Variants in SNED1 observed in about 807,000 individuals in gnomAD.
SNED1 encodes sushi, nidogen and EGF-like domain-containing protein 1.
A neutral mutation model predicts 166.7 loss-of-function variants in SNED1; 81 were observed. That is an observed-to-expected ratio of 0.49 (90% confidence interval 0.41 to 0.58). SNED1 has a LOEUF of 0.58. Among genes scored for constraint, SNED1 ranks in the 20% least tolerant of loss-of-function variants. SNED1 has a pLI of 0.00. For synonymous variants in SNED1, 762 were observed against 822.0 expected (o/e 0.93, Z 1.25); for missense variants, 1,604 against 2,000.2 (o/e 0.80, Z 3.78).
intron 16 of SNED1, among the ~76,000 whole-genome samples, chr2:241,057,311 G>A (rs963441742): frequency 4.7e-5 from 7 of 150,466 alleles, no homozygotes; most frequent in East Asian, 2.0e-4. Context: ...CCTCGGAGGC[G>A]GAGGTTGCAA....
chr2:241,049,147 G>A lies in SNED1; in HGVS notation c.1618+12G>A, dbSNP rs569420529. 6 of 1,603,286 alleles carry A rather than the reference G, an allele frequency of 3.7e-6. No individual in the cohort carries two copies. The highest frequency in any genetic ancestry group is 2.3e-5 in the East Asian group (1 of 44,408). On this transcript the variant is annotated intron_variant, in intron 11 of 31. Transcript: ENST00000310397. ...CAATGCCAGCCACTGTGAGTAGCTCGGGGACGAGCCTGCTGGGCCGGGGGC... is the reference window on the plus strand; with the variant it reads ...CAATGCCAGCCACTGTGAGTAGCTCAGGGACGAGCCTGCTGGGCCGGGGGC...
At chr2:241,014,280 C>A (rs2060505196) in intron 1 of SNED1, among the ~76,000 whole-genome samples, 1 of 152,152 alleles carries the variant, frequency 6.6e-6, no homozygotes, top group South Asian at 2.1e-4. Flanking sequence ...AAGGTGTGAG[C>A]CACCATGCCA....
At chr2:241,048,983 A>T in intron 10 of SNED1, 39 bp from the exon 11 acceptor site, 1 of 1,534,354 alleles carries the variant, frequency 6.5e-7, no homozygotes, top group Non-Finnish European at 8.9e-7. Context: ...GCTGGAAGAC[A>T]TGTGGAATAT....
intron 1 of SNED1, among the ~76,000 whole-genome samples, chr2:241,021,673 T>C (rs2060778763): frequency 6.6e-6 from 1 of 152,256 alleles, no homozygotes; most frequent in South Asian, 2.1e-4. Flanking sequence ...CATTCATGAG[T>C]TGATAGACAC....
intron 1 of SNED1, among the ~76,000 whole-genome samples, chr2:241,008,766 C>T (rs918205619): frequency 2.6e-5 from 4 of 152,254 alleles, no homozygotes; most frequent in Admixed American, 2.0e-4. Context: ...ATGCTGAAGT[C>T]GCCTCTGGGC....
rs138612536 is a variant in SNED1, at chr2:241,051,781, C to T, written c.1773C>T (p.Asn591=). The change falls in exon 13 of 32, where the codon AAC becomes AAT. Residue 591 remains asparagine, a synonymous_variant. Coordinates refer to ENST00000310397, the MANE Select transcript of SNED1 (RefSeq NM_001080437.3). This position sits in a 1 kb window ranked among gnomAD's most constrained non-coding sequence, Gnocchi z 4.7. The part of the protein sequence containing the change: ...PHLCSSGPCR[N]GGTCKEAGGE... ...TGTGCAGCTCAGGGCCCTGCCGGAA[C>T]GGGGGCACGTGCAAGGAGGCGGGCG... 7,248 of 1,551,666 alleles carry T rather than the reference C, an allele frequency of 4.7e-3. 29 individuals are homozygous for T. The highest frequency in any genetic ancestry group is 6.9e-3 in the Middle Eastern group (41 of 5,960).
chr2:241,045,578 C>T (rs1253651751), intron 8 of SNED1, among the ~76,000 whole-genome samples: 2 of 151,472 alleles, frequency 1.3e-5, no homozygotes, highest in East Asian at 3.9e-4. Flanking sequence ...GGGGTTGAAA[C>T]AATTAAATAT....
In SNED1 at chr2:241,094,482, C is replaced by T. The variant is rs780686568; in HGVS notation, c.*2846C>T. 4.8e-5 allele frequency: 22 copies of T among 460,708 alleles called. No homozygotes were observed. Among genetic ancestry groups the T allele is most frequent in the South Asian group, 3.4e-4 (21 of 62,650 alleles). The allele number at this position is 460,708 out of a possible 1,614,324, so 28.5% of individuals were successfully genotyped here. A position where few individuals can be genotyped will look rare whatever the true frequency, so the allele number is the denominator to read the frequency against. The stretch of plus-strand genomic sequence containing the variant: ...TTTCAGTGCTGAATCCCCACAATTG[C>T]ATGCAGCTCACACCTACCAGGGGTA... On this transcript the variant is annotated 3_prime_UTR_variant, in exon 32 of 32. Coordinates refer to ENST00000310397, the MANE Select transcript of SNED1 (RefSeq NM_001080437.3). The surrounding 1 kb of genome is among the most constrained non-coding windows in gnomAD (Gnocchi z 4.3).
rs1323827103 is a variant in SNED1, at chr2:240,999,625, C to T, written c.213+575C>T. 6.6e-6 allele frequency among the ~76,000 whole-genome samples: 1 copy of T among 152,200 alleles called. No individual in the cohort carries two copies. Among genetic ancestry groups the T allele is most frequent in the Non-Finnish European group, 1.5e-5 (1 of 68,020 alleles). ...GCTTGCCCCTCCCTGCCGTCCTCTC[C>T]GCAGTCTGGGGGCTGGCCGCTCAGG... On this transcript the variant is annotated intron_variant, in intron 1 of 31. Coordinates refer to ENST00000310397, the MANE Select transcript of SNED1 (RefSeq NM_001080437.3). This position sits in a 1 kb window ranked among gnomAD's most constrained non-coding sequence, Gnocchi z 5.8.
rs1246097979 is a variant in SNED1 at position 241,013,404 on chromosome 2, C to T, written c.213+14354C>T. ...CACTGTAACCTCGAACTCATGGGCT[C>T]CAGTGATCCTCCCACTTCAGCCACA... On this transcript the variant is annotated intron_variant, in intron 1 of 31. Coordinates refer to ENST00000310397, the MANE Select transcript of SNED1 (RefSeq NM_001080437.3). This position sits in a 1 kb window ranked among gnomAD's most constrained non-coding sequence, Gnocchi z 4.6. 3.3e-5 allele frequency among the ~76,000 whole-genome samples: 5 copies of T among 152,204 alleles called. No homozygotes were observed. In the South Asian group the frequency reaches 6.2e-4, roughly 19 times the overall value.
At chr2:240,998,561 G>GCCCCC (rs536877002), upstream of SNED1, among the ~76,000 whole-genome samples, 2 of 151,718 alleles carry the variant, frequency 1.3e-5, no homozygotes, top group African/African-American at 4.8e-5. Flanking sequence ...GCATGGCCCC[G>GCCCCC]CCCCCCCGAG....
chr2:241,064,125 G>C lies in SNED1; in HGVS notation c.2599G>C (p.Val867Leu). The C allele has an allele frequency of 1.3e-6, 2 of 1,550,794 alleles. No individual in the cohort carries two copies. The highest frequency in any genetic ancestry group is 1.7e-6 in the Non-Finnish European group (2 of 1,148,002). ...ESFFGYHCET[V>L]SDPCFSSPCG... ...CTTCTTCGGCTACCACTGCGAGACAGGTAGGGCGGCAGGCCTGCCTGCTCC... is the reference window on the plus strand; with the variant it reads ...CTTCTTCGGCTACCACTGCGAGACACGTAGGGCGGCAGGCCTGCCTGCTCC... The change falls in exon 19 of 32, where the codon GTG (valine) becomes CTG (leucine). Residue 867 changes from valine (V) to leucine (L), a missense_variant and splice_region_variant. Val to Leu is a conservative substitution (Grantham distance 32). This residue lies in a region of SNED1 where 1,237 missense variants were observed against 1,620.8 expected (regional missense o/e 0.76). Coordinates refer to ENST00000310397, the MANE Select transcript of SNED1 (RefSeq NM_001080437.3). The surrounding 1 kb of genome is among the most constrained non-coding windows in gnomAD (Gnocchi z 7.0).
chr2:241,024,447 C>G (rs937745427), intron 1 of SNED1, among the ~76,000 whole-genome samples: 1 of 150,666 alleles, frequency 6.6e-6, no homozygotes, highest in African/African-American at 2.4e-5. Flanking sequence ...CAGGGTTTCA[C>G]TATGTTGGCC....
intron 1 of SNED1, among the ~76,000 whole-genome samples, chr2:241,008,706 C>G (rs2060296280): frequency 6.6e-6 from 1 of 152,246 alleles, no homozygotes; most frequent in Non-Finnish European, 1.5e-5. Context: ...TTATTAGACA[C>G]CACTGTGTGC....
intron 2 of SNED1, 80 bp from the exon 3 acceptor site, chr2:241,033,655 G>C: frequency 6.9e-7 from 1 of 1,454,182 alleles, no homozygotes. Flanking sequence ...CAATGACAGT[G>C]CACCAGGATG....
chr2:241,016,046 A>AG (rs1280913970), intron 1 of SNED1: 1 of 152,214 alleles, frequency 6.6e-6, no homozygotes, highest in Non-Finnish European at 1.5e-5. Context: ...AAATTAATCA[A>AG]ATTAATGGCA....
chr2:241,031,227 C>T lies in SNED1; in HGVS notation c.501+656C>T, dbSNP rs376513275. ...TCGCCCAGGCTGGAGTGCAATAGCA[C>T]GATCTCAGCTCACTGCAACCTCCAC... On this transcript the variant is annotated intron_variant, in intron 2 of 31. Coordinates refer to ENST00000310397, the MANE Select transcript of SNED1 (RefSeq NM_001080437.3). Among the ~76,000 whole-genome samples the T allele has an allele frequency of 3.2e-4, 48 of 152,152 alleles. No homozygotes were observed. The East Asian group carries it at 7.7e-3, about 25-fold the overall frequency.
intron 16 of SNED1, 81 bp from the exon 17 acceptor site, chr2:241,062,710 C>A: frequency 2.3e-6 from 2 of 883,564 alleles, no homozygotes; most frequent in Non-Finnish European, 1.8e-6. Flanking sequence ...TTCTGTCTGG[C>A]CCCTCAGGAC....
chr2:241,064,586 G>A lies in SNED1; in HGVS notation c.2600-258G>A, dbSNP rs2062361722. On this transcript the variant is annotated intron_variant, in intron 19 of 31. Transcript: ENST00000310397. The surrounding 1 kb of genome is among the most constrained non-coding windows in gnomAD (Gnocchi z 7.0). ...AGGACTGTCACTGGGGTGGTGGCCT[G>A]TCCTGTCCTGATCCAGTGTCTCCTC... Among the ~76,000 whole-genome samples the A allele has an allele frequency of 6.6e-6, 1 of 152,178 alleles. No homozygotes were observed. The highest frequency in any genetic ancestry group is 2.4e-5 in the African/African-American group (1 of 41,448).
Sources: gnomAD v4.1 joint callset for allele counts (sites outside exome capture counted in the v4.1 genomes callset) on GRCh38, gnomAD v4.1.1 for gene constraint, gnomAD v4.1.1 regional missense constraint, Gnocchi (gnomAD v3.1) non-coding constraint, MANE v1.5 for transcripts, NCBI Gene and HGNC (gene_info 2026-07-23, HGNC 2026-07-21) for gene names.